The following TAC1 variants were observed in gnomAD, a reference collection of about 807,000 sequenced individuals.
TAC1 encodes tachykinin precursor 1.
TAC1 carries 12 observed loss-of-function variants against 21.7 expected under a neutral mutation model. The ratio of observed to expected loss-of-function variants is 0.55; its 90% confidence interval spans 0.35 to 0.89. TAC1 has a LOEUF of 0.89. TAC1 is among the 40% of genes least tolerant of loss of function. The probability of loss-of-function intolerance (pLI) is 0.01; values close to 1 mark genes in which losing one functional copy is unlikely to be tolerated. For synonymous variants in TAC1, 52 were observed against 52.0 expected (o/e 1.00, Z 0.00); for missense variants, 128 against 151.4 (o/e 0.85, Z 0.81).
chr7:97,737,032 G>T (rs1302847373), intron 6 of TAC1, among the ~76,000 whole-genome samples: 1 of 151,946 alleles, frequency 6.6e-6, no homozygotes. Flanking sequence ...ATGATATAAA[G>T]GCTGCAGGTT....
At position 97,733,778 on chromosome 7, in the gene TAC1, AG is replaced by A. The variant is rs1252360406; in HGVS notation, c.180del (p.Lys60AsnfsTer8). 6.2e-7 allele frequency: 1 copy of A among 1,614,144 alleles called. No individual in the cohort carries two copies. On this transcript the variant is annotated frameshift_variant, in exon 3 of 7. Transcript: ENST00000319273. LOFTEE classifies it high-confidence loss of function. ...CTGCAGAGAATCGCCCGGAGACCCA[AG>A]CCTCAGCAGTTCTTTGGATTAATGG... ...HLLQRIARRP[K>X]PQQFFGLMGK...
intron 2 of TAC1, chr7:97,733,023 G>T (rs2072099): frequency 0.18 from 58,896 of 330,078 alleles, 5,711 homozygotes; most frequent in East Asian, 0.25. Flanking sequence ...GGGAAATCTC[G>T]TAAGATTTCA....
rs375904849 is a variant in TAC1 at position 97,733,687 on chromosome 7, C to T, written c.124-36C>T. On this transcript the variant is annotated intron_variant, in intron 2 of 6. Transcript: ENST00000319273. ...GTTGCTGGGTGCCTCGCTCTGGTTG[C>T]CTTACACGCCCTTTGTCCGTGCTTT... 23 of 1,607,374 alleles carry T rather than the reference C, an allele frequency of 1.4e-5. No individual in the cohort carries two copies. In the African/African-American group the frequency reaches 2.9e-4, roughly 21 times the overall value.
Position 97,732,989 on chromosome 7 carries a change from ATGAGC to A in TAC1, c.123+255_123+259del. 8 of 393,430 alleles carry A rather than the reference ATGAGC, an allele frequency of 2.0e-5. No homozygotes were observed. The highest frequency in any genetic ancestry group is 2.0e-4 in the South Asian group (4 of 19,942). The allele number at this position is 393,430 out of a possible 1,614,324, so 24.4% of individuals were successfully genotyped here. A position where few individuals can be genotyped will look rare whatever the true frequency, so the allele number is the denominator to read the frequency against. On this transcript the variant is annotated intron_variant, in intron 2 of 6. Coordinates refer to ENST00000319273, the MANE Select transcript of TAC1 (RefSeq NM_003182.3). This position sits in a 1 kb window ranked among gnomAD's most constrained non-coding sequence, Gnocchi z 6.2. ...CCCTGCAGTAGGGATGCCCTCCCGG[ATGAGC>A]CCGAGATCCTCACAAGGCGGGAAAT...
intron 2 of TAC1, among the ~76,000 whole-genome samples, 191 bp from the exon 3 acceptor site, chr7:97,733,532 G>C (rs1789483435): frequency 6.6e-6 from 1 of 152,132 alleles, no homozygotes; most frequent in Admixed American, 6.5e-5. Context: ...CTTGCGGGGG[G>C]CGGGACGCGA....
At chr7:97,736,609 C>G (rs1441629217) in intron 6 of TAC1, among the ~76,000 whole-genome samples, 2 of 152,026 alleles carry the variant, frequency 1.3e-5, no homozygotes, top group African/African-American at 4.8e-5. Flanking sequence ...CAACCTGAAT[C>G]TTTGGGTTAG....
chr7:97,735,523 G>A (rs1026020498), intron 5 of TAC1, among the ~76,000 whole-genome samples: 4 of 152,104 alleles, frequency 2.6e-5, no homozygotes, highest in Non-Finnish European at 4.4e-5. Context: ...TATCTTCATC[G>A]TATTGTCCAC....
In TAC1 at chr7:97,732,494, G is replaced by A. The variant is rs995303968; in HGVS notation, c.-9-110G>A. On this transcript the variant is annotated intron_variant, in intron 1 of 6. Transcript: ENST00000319273. The surrounding 1 kb of genome is among the most constrained non-coding windows in gnomAD (Gnocchi z 6.2). Reference sequence around the variant, plus strand: ...CTTCAGTCCTTATGTTTTTGATCTTGGTTCATCCGTTGTGGGGCAGAAAAT... The same window carrying A: ...CTTCAGTCCTTATGTTTTTGATCTTAGTTCATCCGTTGTGGGGCAGAAAAT... 11 of 1,287,120 alleles carry A rather than the reference G, an allele frequency of 8.5e-6. No individual in the cohort carries two copies. In the Middle Eastern group the frequency reaches 5.7e-4, roughly 67 times the overall value. 79.7% of individuals were successfully genotyped at this position (1,287,120 alleles called of 1,614,324 possible). A position where few individuals can be genotyped will look rare whatever the true frequency, so the allele number is the denominator to read the frequency against.
chr7:97,732,583 TCTC>T lies in TAC1; in HGVS notation c.-9-15_-9-13del. On this transcript the variant is annotated intron_variant, in intron 1 of 6. Coordinates refer to ENST00000319273, the MANE Select transcript of TAC1 (RefSeq NM_003182.3). The surrounding 1 kb of genome is among the most constrained non-coding windows in gnomAD (Gnocchi z 6.2). ...TACATTATTTCTCTCTTTGGTGTCT[TCTC>T]CTCCTACCCCTTCCCAGAAATCCAA... is the stretch of plus-strand genomic sequence containing the variant. 9 of 1,613,828 alleles carry T rather than the reference TCTC, an allele frequency of 5.6e-6. No individual in the cohort carries two copies. Among genetic ancestry groups the T allele is most frequent in the African/African-American group, 4.0e-5 (3 of 75,020 alleles).
Position 97,733,816 on chromosome 7 carries a change from G to A in TAC1, c.217G>A (p.Ala73Thr). ...QFFGLMGKRDADSSIEKQVAL... is the reference protein window; with the variant it reads ...QFFGLMGKRDTDSSIEKQVAL... ...CTTTGGATTAATGGGCAAACGGGATGCTGGTGAGATAGGCGACCGTCCCTA... is the reference window on the plus strand; with the variant it reads ...CTTTGGATTAATGGGCAAACGGGATACTGGTGAGATAGGCGACCGTCCCTA... The change falls in exon 3 of 7, where the codon GCT (alanine) becomes ACT (threonine). Residue 73 changes from alanine to threonine, a missense_variant. Transcript: ENST00000319273. 6.2e-7 allele frequency: 1 copy of A among 1,614,154 alleles called. No homozygotes were observed. The highest frequency in any genetic ancestry group is 8.5e-7 in the Non-Finnish European group (1 of 1,180,000).
intron 4 of TAC1, 128 bp downstream of exon 4, chr7:97,734,420 ACTCTCTCTCGGTTT>A (rs889061955): frequency 1.7e-4 from 128 of 736,736 alleles, no homozygotes; most frequent in Middle Eastern, 3.9e-4. Context: ...GGATTTGCGC[ACTCTCTCTCGGTTT>A]CTCTCTCTCT....
Position 97,732,913 on chromosome 7 carries a change from G to A in TAC1, c.123+178G>A. On this transcript the variant is annotated intron_variant, in intron 2 of 6. Coordinates refer to ENST00000319273, the MANE Select transcript of TAC1 (RefSeq NM_003182.3). This position sits in a 1 kb window ranked among gnomAD's most constrained non-coding sequence, Gnocchi z 6.2. ...TCCCGGGTTCCCCACGGGATTTTGTGCCCACGATTCAAGTTTCTTCCCGAG... is the reference window on the plus strand; with the variant it reads ...TCCCGGGTTCCCCACGGGATTTTGTACCCACGATTCAAGTTTCTTCCCGAG... 1.2e-6 allele frequency: 1 copy of A among 856,344 alleles called. No individual in the cohort carries two copies. Among genetic ancestry groups the A allele is most frequent in the Non-Finnish European group, 1.7e-6 (1 of 576,682 alleles). 53.0% of individuals were successfully genotyped at this position (856,344 alleles called of 1,614,324 possible). A position where few individuals can be genotyped will look rare whatever the true frequency, so the allele number is the denominator to read the frequency against.
At chr7:97,739,787 A>G in intron 6 of TAC1, 87 bp from the exon 7 acceptor site, 1 of 895,464 alleles carries the variant, frequency 1.1e-6, no homozygotes, top group South Asian at 1.7e-5. Context: ...TGAGTTTAAA[A>G]TAAATTACTA....
At chr7:97,735,418 T>C (rs1424722044) in intron 5 of TAC1, among the ~76,000 whole-genome samples, 1 of 152,182 alleles carries the variant, frequency 6.6e-6, no homozygotes, top group East Asian at 1.9e-4. Context: ...AAACATTTCT[T>C]AGGGCAGCAA....
rs1454870891 is a variant in TAC1 at position 97,733,792 on chromosome 7, T to C, written c.193T>C (p.Phe65Leu). 6.2e-7 allele frequency: 1 copy of C among 1,614,140 alleles called. No individual in the cohort carries two copies. The highest frequency in any genetic ancestry group is 8.5e-7 in the Non-Finnish European group (1 of 1,180,010). ...CCGGAGACCCAAGCCTCAGCAGTTC[T>C]TTGGATTAATGGGCAAACGGGATGC... The part of the protein sequence containing the change: ...IARRPKPQQF[F>L]GLMGKRDADS... Residue 65 changes from phenylalanine (F) to leucine (L), a missense_variant, in exon 3 of 7, where the codon TTT becomes CTT. Coordinates refer to ENST00000319273, the MANE Select transcript of TAC1 (RefSeq NM_003182.3).
At chr7:97,733,142 C>G (rs1789473943) in intron 2 of TAC1, 1 of 185,132 alleles carries the variant, frequency 5.4e-6, no homozygotes, top group Non-Finnish European at 1.1e-5. Context: ...GGCACACGCG[C>G]GAGCTGCAGG....
rs367903478 is a variant in TAC1, at chr7:97,738,506, A to G, written c.344-1368A>G. Among the ~76,000 whole-genome samples, 95 of 152,130 alleles carry G rather than the reference A, an allele frequency of 6.2e-4. No individual in the cohort carries two copies. The South Asian group carries it at 0.019, about 31-fold the overall frequency. The stretch of plus-strand genomic sequence containing the variant: ...GCTTGTCAGAGACTGAACTTGGGCC[A>G]TTCATCCTGTTCCTAATATAATCAA... On this transcript the variant is annotated intron_variant, in intron 6 of 6. Coordinates refer to ENST00000319273, the MANE Select transcript of TAC1 (RefSeq NM_003182.3).
At chr7:97,735,405 G>A (rs1221310602) in intron 5 of TAC1, among the ~76,000 whole-genome samples, 1 of 152,178 alleles carries the variant, frequency 6.6e-6, no homozygotes, top group Non-Finnish European at 1.5e-5. Flanking sequence ...AACTCGATCA[G>A]TAAAACATTT....
At chr7:97,736,432 T>C in intron 6 of TAC1, 80 bp downstream of exon 6, 7 of 1,290,742 alleles carry the variant, frequency 5.4e-6, no homozygotes, top group Non-Finnish European at 7.7e-6. Flanking sequence ...TTTAAAATAT[T>C]AAAAAGGAGT....
Sources: gnomAD v4.1 joint callset for allele counts (sites outside exome capture counted in the v4.1 genomes callset) on GRCh38, gnomAD v4.1.1 for gene constraint, Gnocchi (gnomAD v3.1) non-coding constraint, MANE v1.5 for transcripts, NCBI Gene and HGNC (gene_info 2026-07-23, HGNC 2026-07-21) for gene names.